The following NLRP14 variants were observed in gnomAD, a reference collection of about 807,000 sequenced individuals.
NLRP14 encodes the protein NLR family pyrin domain containing 14.
Under a neutral mutation model 94.7 loss-of-function variants are expected in NLRP14, and 105 were observed. That is an observed-to-expected ratio of 1.11 (90% CI 0.95 to 1.30). The LOEUF (loss-of-function observed/expected upper bound fraction) is 1.30, where lower values mean the gene tolerates loss of function less well. Ranked by LOEUF, NLRP14 falls within the 50% of genes most tolerant of loss-of-function variation. The pLI, the probability that NLRP14 is intolerant of heterozygous loss-of-function variation, is 0.00. For synonymous variants in NLRP14, 508 were observed against 459.9 expected (o/e 1.10, Z -1.34); for missense variants, 1,362 against 1,254.1 (o/e 1.09, Z -1.30).
chr11:7,072,605 G>C (rs1852818008), downstream of NLRP14, among the ~76,000 whole-genome samples: 1 of 152,034 alleles, frequency 6.6e-6, no homozygotes, highest in Non-Finnish European at 1.5e-5. Context: ...CCTGTGTGCA[G>C]TGGCCTGTCA....
At chr11:7,076,544 G>A in the NLRP14 span, among the ~76,000 whole-genome samples, 1 of 151,928 alleles carries the variant, frequency 6.6e-6, no homozygotes, top group Non-Finnish European at 1.5e-5. Context: ...TGGCCACTCA[G>A]CTCCTCTTCC....
Position 7,071,385 on chromosome 11 carries a change from C to T in NLRP14, c.*77C>T. On this transcript the variant is annotated 3_prime_UTR_variant, in exon 12 of 12. Transcript: ENST00000299481. ...ATAGATATATACCCAGACTTGGGTG[C>T]TTAGCTTCAGATACTCTATGCCCAG... is the stretch of plus-strand genomic sequence containing the variant. 2.5e-6 allele frequency: 3 copies of T among 1,216,892 alleles called. No homozygotes were observed. The highest frequency in any genetic ancestry group is 1.3e-5 in the South Asian group (1 of 77,388). 75.4% of individuals were successfully genotyped at this position (1,216,892 alleles called of 1,614,324 possible). A position where few individuals can be genotyped will look rare whatever the true frequency, so the allele number is the denominator to read the frequency against.
At chr11:7,057,642 A>G in intron 6 of NLRP14, 35 bp from the exon 7 acceptor site, 1 of 1,591,418 alleles carries the variant, frequency 6.3e-7, no homozygotes, top group Non-Finnish European at 8.6e-7. Context: ...TTCTCTAAGG[A>G]GTGGTCATTC....
At chr11:7,057,278 G>A (rs1229254151) in intron 6 of NLRP14, among the ~76,000 whole-genome samples, 6 of 152,026 alleles carry the variant, frequency 3.9e-5, no homozygotes, top group Admixed American at 3.9e-4. Context: ...GGGAGACACA[G>A]CTTTTGCTCC....
the NLRP14 span, chr11:7,090,155 A>G: frequency 6.2e-7 from 1 of 1,613,708 alleles, no homozygotes; most frequent in East Asian, 2.2e-5. Flanking sequence ...GGGTGGGCAG[A>G]CCAGATCGTG....
chr11:7,048,811 G>A (rs1222055608), intron 5 of NLRP14, among the ~76,000 whole-genome samples: 1 of 152,128 alleles, frequency 6.6e-6, no homozygotes, highest in Non-Finnish European at 1.5e-5. Flanking sequence ...TGCATCAGTG[G>A]GATGACACCA....
intron 3 of NLRP14, among the ~76,000 whole-genome samples, chr11:7,040,340 C>A (rs969232): frequency 2.0e-5 from 3 of 152,166 alleles, no homozygotes; most frequent in African/African-American, 7.2e-5. Context: ...CCTGTCAGAT[C>A]AGCAGCTGCT....
At chr11:7,078,264 C>T in the NLRP14 span, among the ~76,000 whole-genome samples, 1 of 150,564 alleles carries the variant, frequency 6.6e-6, no homozygotes, top group African/African-American at 2.4e-5. Flanking sequence ...TGGCAAAACC[C>T]CGTCTGTACT....
chr11:7,089,794 A>G, the NLRP14 span: 1 of 1,601,056 alleles, frequency 6.2e-7, no homozygotes, highest in Non-Finnish European at 8.5e-7. Context: ...AGCCGAGACT[A>G]CCGCGAACCC....
the NLRP14 span, chr11:7,089,629 C>T: frequency 2.4e-6 from 3 of 1,257,788 alleles, no homozygotes; most frequent in South Asian, 2.5e-5. Context: ...TCGGGCCCGG[C>T]TCGCAGCAGC....
the NLRP14 span, among the ~76,000 whole-genome samples, chr11:7,076,793 C>T: frequency 6.6e-6 from 1 of 152,136 alleles, no homozygotes; most frequent in Non-Finnish European, 1.5e-5. Context: ...TGAGCCTTTT[C>T]TTCACTATTT....
rs142436774 is a variant in NLRP14 at position 7,053,253 on chromosome 11, C to T, written c.2291+3415C>T. On this transcript the variant is annotated intron_variant, in intron 6 of 11. Coordinates refer to ENST00000299481, the MANE Select transcript of NLRP14 (RefSeq NM_176822.4). Reference sequence around the variant, plus strand: ...CCGTATTACTTCAACATTTCAAAATCAGTAAGTTTGGAAACTGTATTTAAG... The same window carrying T: ...CCGTATTACTTCAACATTTCAAAATTAGTAAGTTTGGAAACTGTATTTAAG... Among the ~76,000 whole-genome samples the T allele has an allele frequency of 1.6e-3, 242 of 151,966 alleles. 1 individual carries two copies. Among genetic ancestry groups the T allele is most frequent in the African/African-American group, 5.5e-3 (228 of 41,490 alleles).
At chr11:7,053,878 A>G (rs1169729535) in intron 6 of NLRP14, among the ~76,000 whole-genome samples, 3 of 152,094 alleles carry the variant, frequency 2.0e-5, no homozygotes, top group Admixed American at 1.3e-4. Context: ...GTCCTAGCAA[A>G]TACTCAGTCT....
intron 6 of NLRP14, among the ~76,000 whole-genome samples, chr11:7,055,856 T>C (rs1221568933): frequency 4.6e-5 from 7 of 152,068 alleles, no homozygotes; most frequent in African/African-American, 1.2e-4. Flanking sequence ...TTTAAGGAGC[T>C]TTGGGCTTTG....
rs760172060 is a variant in NLRP14 at position 7,038,850 on chromosome 11, T to TGA, written c.270_271dup (p.Ala91GlufsTer13). 4 of 1,613,422 alleles carry TGA rather than the reference T, an allele frequency of 2.5e-6. No individual in the cohort carries two copies. The African/African-American group carries it at 5.3e-5, about 22-fold the overall frequency. ...GCAAGATGAACCTGAAGGATCTGTG[T>TGA]GAGAGAGCGAAAGAAGAGATCAACT... On this transcript the variant is annotated frameshift_variant, in exon 2 of 12. Coordinates refer to ENST00000299481, the MANE Select transcript of NLRP14 (RefSeq NM_176822.4). LOFTEE classifies it high-confidence loss of function.
the NLRP14 span, chr11:7,090,463 A>C: frequency 1.0e-6 from 1 of 960,280 alleles, no homozygotes. Context: ...TGGGAGAAAA[A>C]ACTTAAAATT....
chr11:7,082,000 A>G, the NLRP14 span, among the ~76,000 whole-genome samples: 95,510 of 151,956 alleles, frequency 0.63, 30,313 homozygotes, highest in East Asian at 0.78. Flanking sequence ...CATGAATCAC[A>G]TCATTAGCAT....
chr11:7,026,593 T>A (rs1322200765), intron 1 of NLRP14, among the ~76,000 whole-genome samples: 1 of 152,064 alleles, frequency 6.6e-6, no homozygotes, highest in African/African-American at 2.4e-5. Flanking sequence ...TGGAAGTCAG[T>A]GTGGCGATTC....
chr11:7,029,789 C>T (rs1852066055), intron 1 of NLRP14, among the ~76,000 whole-genome samples: 1 of 152,090 alleles, frequency 6.6e-6, no homozygotes, highest in South Asian at 2.1e-4. Context: ...AAGAGTTTAC[C>T]TTTTCTCTCA....
Sources: gnomAD v4.1 joint callset for allele counts (sites outside exome capture counted in the v4.1 genomes callset) on GRCh38, gnomAD v4.1.1 for gene constraint, MANE v1.5 for transcripts, NCBI Gene and HGNC (gene_info 2026-07-23, HGNC 2026-07-21) for gene names.